The following TNIK variants were observed in gnomAD, a reference collection of about 807,000 sequenced individuals.
TNIK encodes TRAF2 and NCK interacting kinase.
Under a neutral mutation model 191.3 loss-of-function variants are expected in TNIK, and 49 were observed. That is an observed-to-expected ratio of 0.26 (90% CI 0.20 to 0.32). TNIK has a LOEUF of 0.32. TNIK is among the 10% of genes least tolerant of loss of function. The pLI, the probability that TNIK is intolerant of heterozygous loss-of-function variation, is 1.00. For missense variants in TNIK, 1,155 were observed against 1,702.3 expected, an observed-to-expected ratio of 0.68 and a Z score of 5.66; for synonymous variants, 594 against 600.9, an observed-to-expected ratio of 0.99 and a Z score of 0.17.
At chr3:171,410,515 C>T (rs1464725784) in intron 1 of TNIK, among the ~76,000 whole-genome samples, 1 of 152,174 alleles carries the variant, frequency 6.6e-6, no homozygotes. Flanking sequence ...CGCATTGGCT[C>T]ACGCCTGTAA....
chr3:171,083,927 G>T (rs1721008648), intron 26 of TNIK, among the ~76,000 whole-genome samples: 1 of 152,090 alleles, frequency 6.6e-6, no homozygotes, highest in Non-Finnish European at 1.5e-5. Context: ...TGACAAGGTT[G>T]CTCTGAATCT....
At chr3:171,106,818 C>A (rs942499077) in intron 21 of TNIK, 1 of 521,612 alleles carries the variant, frequency 1.9e-6, no homozygotes, top group African/African-American at 1.9e-5. Context: ...AGAATGATGT[C>A]TCTTTTCTTG....
At chr3:171,106,939 T>A (rs997906206) in intron 21 of TNIK, among the ~76,000 whole-genome samples, 1 of 152,172 alleles carries the variant, frequency 6.6e-6, no homozygotes, top group Non-Finnish European at 1.5e-5. Flanking sequence ...TACTTGTCAT[T>A]AGCCAGACTG....
intron 22 of TNIK, among the ~76,000 whole-genome samples, chr3:171,100,806 T>C (rs1430159714): frequency 8.1e-6 from 1 of 123,414 alleles, no homozygotes; most frequent in Non-Finnish European, 1.7e-5. Flanking sequence ...TACATATAAA[T>C]ATACATGTAA....
intron 32 of TNIK, 100 bp from the exon 33 acceptor site, chr3:171,064,064 T>A (rs1718118170): frequency 8.8e-7 from 1 of 1,130,692 alleles, no homozygotes; most frequent in South Asian, 1.4e-5. Context: ...ATCCTTGCCA[T>A]GTGTCAGGTC....
intron 2 of TNIK, among the ~76,000 whole-genome samples, chr3:171,254,664 A>G (rs754742978): frequency 1.3e-5 from 2 of 152,212 alleles, no homozygotes; most frequent in Non-Finnish European, 2.9e-5. Context: ...AACTACTAAT[A>G]CAGATACATG....
rs1395199643 is a variant in TNIK, at chr3:171,181,525, G to A, written c.640-4145C>T. Among the ~76,000 whole-genome samples the A allele has an allele frequency of 2.0e-5, 3 of 152,222 alleles. No homozygotes were observed. In the East Asian group the frequency reaches 5.8e-4, roughly 29 times the overall value. ...CTATCCTGACTCCCCGACAGCTAAG[G>A]ATGGCAGTTAGGGATGTGACATAGT... On this transcript the variant is annotated intron_variant, in intron 7 of 32. Coordinates refer to ENST00000436636, the MANE Select transcript of TNIK (RefSeq NM_015028.4).
intron 2 of TNIK, among the ~76,000 whole-genome samples, chr3:171,256,212 T>TCA (rs1746847996): frequency 6.6e-6 from 1 of 152,070 alleles, no homozygotes; most frequent in Non-Finnish European, 1.5e-5. Context: ...GATGCCTACT[T>TCA]CACTATGCAT....
At chr3:171,082,585 C>T (rs1720836206) in intron 26 of TNIK, 191 bp from the exon 27 acceptor site, 1 of 687,178 alleles carries the variant, frequency 1.5e-6, no homozygotes, top group Non-Finnish European at 2.3e-6. Flanking sequence ...AATGAAATTA[C>T]AGTTTTCTTT....
intron 2 of TNIK, among the ~76,000 whole-genome samples, chr3:171,355,310 G>A (rs1042588645): frequency 1.3e-5 from 2 of 152,166 alleles, no homozygotes; most frequent in East Asian, 1.9e-4. Context: ...TTGGTGATTG[G>A]CTTCTGTGAT....
chr3:171,432,397 A>C (rs1010016586), intron 1 of TNIK, among the ~76,000 whole-genome samples: 2 of 152,214 alleles, frequency 1.3e-5, no homozygotes, highest in Non-Finnish European at 2.9e-5. Flanking sequence ...TAGTAAAGAT[A>C]AATATTCACA....
In TNIK at chr3:171,415,983, AAAAAAAAAAAAAAAG is replaced by A. The variant is rs1422297704; in HGVS notation, c.57+44009_57+44023del. Among the ~76,000 whole-genome samples, 8 of 147,036 alleles carry A rather than the reference AAAAAAAAAAAAAAAG, an allele frequency of 5.4e-5. No homozygotes were observed. The East Asian group carries it at 5.8e-4, about 11-fold the overall frequency. On this transcript the variant is annotated intron_variant, in intron 1 of 32. Coordinates refer to ENST00000436636, the MANE Select transcript of TNIK (RefSeq NM_015028.4). Reference sequence around the variant, plus strand: ...AGAGCGAGACTGTCTCAAAAAAAAAAAAAAAAAAAAAAAAGAAAGAAAAAGAAAGAAAGGAAGAAA... The same window carrying A: ...AGAGCGAGACTGTCTCAAAAAAAAAAAAAGAAAAAGAAAGAAAGGAAGAAA...
Position 171,177,357 on chromosome 3 carries a change from G to T in TNIK, c.663C>A (p.Ile221=). 16 of 1,606,848 alleles carry T rather than the reference G, an allele frequency of 1.0e-5. No individual in the cohort carries two copies. Among genetic ancestry groups the T allele is most frequent in the Non-Finnish European group, 1.4e-5 (16 of 1,176,564 alleles). Residue 221 remains isoleucine, a synonymous_variant, in exon 8 of 33, where the codon ATC becomes ATA. Coordinates refer to ENST00000436636, the MANE Select transcript of TNIK (RefSeq NM_015028.4). The part of the protein sequence containing the change: ...DFKSDLWSLG[I]TAIEMAEGAP... ...CACCTTCTGCCATTTCAATGGCGGT[G>T]ATACCCAAAGACCACAAGTCACTCT...
At chr3:171,099,740 C>CCAGA (rs892232167) in intron 22 of TNIK, among the ~76,000 whole-genome samples, 6 of 152,048 alleles carry the variant, frequency 3.9e-5, no homozygotes, top group Admixed American at 3.9e-4. Flanking sequence ...ACAGGAAATG[C>CCAGA]CAGACAGAAG....
chr3:171,144,019 C>G (rs1457612484), intron 12 of TNIK, among the ~76,000 whole-genome samples: 1 of 152,114 alleles, frequency 6.6e-6, no homozygotes, highest in Admixed American at 6.5e-5. Flanking sequence ...AGGGGAGAAT[C>G]AAATAGCATT....
chr3:171,424,342 G>A (rs565977991), intron 1 of TNIK, among the ~76,000 whole-genome samples: 2 of 152,330 alleles, frequency 1.3e-5, no homozygotes, highest in Non-Finnish European at 2.9e-5. Context: ...AACAGGTGCT[G>A]GAGAGGATGT....
chr3:171,174,875 T>C lies in TNIK; in HGVS notation c.773+377A>G, dbSNP rs369792090. On this transcript the variant is annotated intron_variant, in intron 9 of 32. Transcript: ENST00000436636. ...CTTAGGGAATGATTGTTGTAAGGAATAGAAGAGAAATCAGCCAATCTAACA... is the reference window on the plus strand; with the variant it reads ...CTTAGGGAATGATTGTTGTAAGGAACAGAAGAGAAATCAGCCAATCTAACA... Among the ~76,000 whole-genome samples, 6 of 152,294 alleles carry C rather than the reference T, an allele frequency of 3.9e-5. No individual in the cohort carries two copies. The East Asian group carries it at 1.2e-3, about 29-fold the overall frequency.
At chr3:171,198,275 A>G (rs1738966926) in intron 4 of TNIK, among the ~76,000 whole-genome samples, 1 of 147,872 alleles carries the variant, frequency 6.8e-6, no homozygotes, top group Non-Finnish European at 1.5e-5. Context: ...AAAAAAAAAA[A>G]GAGAAGCCAG....
intron 1 of TNIK, among the ~76,000 whole-genome samples, chr3:171,422,319 T>G (rs990582912): frequency 6.6e-6 from 1 of 152,036 alleles, no homozygotes. Context: ...AAATAAAATA[T>G]AAACTCCCTT....
Sources: allele counts gnomAD v4.1 joint callset (sites outside exome capture counted in the v4.1 genomes callset), GRCh38; gene constraint gnomAD v4.1.1; transcripts MANE v1.5; gene names NCBI Gene and HGNC (gene_info 2026-07-23, HGNC 2026-07-21).